Variants in PLEKHA7 observed in about 807,000 individuals in gnomAD.
The protein encoded by PLEKHA7 is pleckstrin homology domain containing A7, also known as pleckstrin homology domain-containing family A member 7.
PLEKHA7 carries 104 observed loss-of-function variants against 170.0 expected under a neutral mutation model. The ratio of observed to expected loss-of-function variants is 0.61; its 90% CI spans 0.52 to 0.72. The LOEUF is 0.72. PLEKHA7 is among the 30% of genes least tolerant of loss of function. The pLI is 0.00. For missense variants in PLEKHA7, 1,615 were observed against 1,671.7 expected (o/e 0.97, Z 0.59); for synonymous variants, 648 against 660.8 (o/e 0.98, Z 0.30).
At chr11:16,976,712 C>T (rs745375803) in intron 3 of PLEKHA7, among the ~76,000 whole-genome samples, 2 of 152,242 alleles carry the variant, frequency 1.3e-5, no homozygotes, top group Non-Finnish European at 2.9e-5. Context: ...ATTGGCACAA[C>T]CAAGCTATGG....
At chr11:16,984,188 C>T (rs529032361) in intron 3 of PLEKHA7, among the ~76,000 whole-genome samples, 269 of 152,178 alleles carry the variant, frequency 1.8e-3, no homozygotes, top group Admixed American at 2.9e-3. Flanking sequence ...GTCTATTCTA[C>T]GTACAACAAC....
chr11:16,828,917 T>C (rs548418682), intron 9 of PLEKHA7, among the ~76,000 whole-genome samples: 24 of 152,288 alleles, frequency 1.6e-4, no homozygotes, highest in East Asian at 1.5e-3. Flanking sequence ...TGGAGAAACA[T>C]AGAATCCTAA....
intron 3 of PLEKHA7, among the ~76,000 whole-genome samples, chr11:16,895,158 A>G (rs1236213648): frequency 6.6e-6 from 1 of 152,178 alleles, no homozygotes; most frequent in African/African-American, 2.4e-5. Context: ...ACTCCAGTAC[A>G]GGGTAAGGGT....
chr11:16,998,096 T>C (rs1864449366), intron 3 of PLEKHA7, among the ~76,000 whole-genome samples: 1 of 152,188 alleles, frequency 6.6e-6, no homozygotes, highest in South Asian at 2.1e-4. Flanking sequence ...ACCTACCTTA[T>C]AAGGTTGGCA....
chr11:16,788,956 G>T, intron 23 of PLEKHA7, 140 bp downstream of exon 23: 1 of 1,082,396 alleles, frequency 9.2e-7, no homozygotes, highest in Non-Finnish European at 1.3e-6. Context: ...TGGACAAACA[G>T]CCCCGTGGGG....
In PLEKHA7 at chr11:16,794,608, G is replaced by A. The variant is rs753849468; in HGVS notation, c.2625C>T (p.Thr875=). ...QPSPPTSPVR[T]PLEVRLFPQL... is the part of the protein sequence containing the mutation. ...GGGGGAAGAGTCGAACCTCCAGAGG[G>A]GTCCGCACAGGGCTGGTGGGAGGAC... Residue 875 remains threonine (T), a synonymous_variant, in exon 19 of 27, where the codon ACC becomes ACT. Coordinates refer to ENST00000531066, the MANE Select transcript of PLEKHA7 (RefSeq NM_001329630.2). 1.9e-6 allele frequency: 3 copies of A among 1,613,568 alleles called. No individual in the cohort carries two copies. The African/African-American group carries it at 4.0e-5, about 22-fold the overall frequency.
At chr11:17,013,749 A>T (rs1257175456) in intron 3 of PLEKHA7, among the ~76,000 whole-genome samples, 1 of 152,154 alleles carries the variant, frequency 6.6e-6, no homozygotes, top group Non-Finnish European at 1.5e-5. Flanking sequence ...TCCAGGGCGC[A>T]GAGTCTGCGG....
rs113965009 is a variant in PLEKHA7 at position 16,791,573 on chromosome 11, C to G, written c.2746-374G>C. 103 of 480,302 alleles carry G rather than the reference C, an allele frequency of 2.1e-4. 1 individual carries two copies. Among genetic ancestry groups the G allele is most frequent in the African/African-American group, 1.5e-3 (79 of 51,164 alleles). 29.8% of individuals were successfully genotyped at this position (480,302 alleles called of 1,614,324 possible). Reference sequence around the variant, plus strand: ...ACCCTGCCCTGACTTCCATGCTTATCACAGCACCACCTACCTGGAGAGTAA... The same window carrying G: ...ACCCTGCCCTGACTTCCATGCTTATGACAGCACCACCTACCTGGAGAGTAA... On this transcript the variant is annotated intron_variant, in intron 19 of 26. Transcript: ENST00000531066. This position sits in a 1 kb window ranked among gnomAD's most constrained non-coding sequence, Gnocchi z 4.5.
chr11:16,858,361 G>A (rs936715038), intron 4 of PLEKHA7, among the ~76,000 whole-genome samples: 1 of 152,100 alleles, frequency 6.6e-6, no homozygotes. Context: ...ACTGCATCAC[G>A]TTCCATCAAC....
rs1478320071 is a variant in PLEKHA7 at position 16,795,038 on chromosome 11, G to C, written c.2410-20C>G. The C allele has an allele frequency of 1.3e-6, 2 of 1,552,494 alleles. No homozygotes were observed. The highest frequency in any genetic ancestry group is 3.3e-5 in the Admixed American group (2 of 59,914). On this transcript the variant is annotated intron_variant, in intron 17 of 26. Transcript: ENST00000531066. ...TTTCTCCTGAGGAAGACGAAGTGGT[G>C]GGTTTGCCTTCTTAGCTCCTTACAA... is the stretch of plus-strand genomic sequence containing the variant.
At position 16,851,250 on chromosome 11, in the gene PLEKHA7, T is replaced by C; in HGVS notation, c.637A>G (p.Ser213Gly). 1 of 1,612,096 alleles carries C rather than the reference T, an allele frequency of 6.2e-7. No homozygotes were observed. Among genetic ancestry groups the C allele is most frequent in the Non-Finnish European group, 8.5e-7 (1 of 1,179,104 alleles). Residue 213 changes from serine (S) to glycine (G), a missense_variant, in exon 8 of 27, where the codon AGC becomes GGC. By Grantham distance (56) the Ser-to-Gly change is moderately conservative. Coordinates refer to ENST00000531066, the MANE Select transcript of PLEKHA7 (RefSeq NM_001329630.2). ...EAVLGSIPLP[S>G]YVISPVAPED... ...GGGGCCACAGGAGAGATCACGTAGC[T>C]GGGCAAGGGGATGCTCCCGAGGACC...
Position 17,014,166 on chromosome 11 carries a change from C to T in PLEKHA7, c.122G>A (p.Arg41His), listed in dbSNP as rs773464996. Residue 41 changes from arginine to histidine, a missense_variant, in exon 2 of 27, where the codon CGC becomes CAC. Coordinates refer to ENST00000531066, the MANE Select transcript of PLEKHA7 (RefSeq NM_001329630.2). ...GCCCGAGTTGACGGGCTCCCCGGTG[C>T]GCGGATGCAGCCAGGTCGTGCAGCG... ...QLRCTTWLHP[R>H]TGEPVNSGHM... 3.7e-6 allele frequency: 6 copies of T among 1,601,684 alleles called. No individual in the cohort carries two copies. The East Asian group carries it at 6.8e-5, about 18-fold the overall frequency.
chr11:16,961,615 C>T (rs1007280870), intron 3 of PLEKHA7, among the ~76,000 whole-genome samples: 7 of 152,212 alleles, frequency 4.6e-5, no homozygotes, highest in Non-Finnish European at 1.0e-4. Context: ...CAGAAGGGGA[C>T]AGAGTTGTTT....
chr11:16,895,738 G>A (rs2135986130), intron 3 of PLEKHA7, among the ~76,000 whole-genome samples: 1 of 152,340 alleles, frequency 6.6e-6, no homozygotes, highest in South Asian at 2.1e-4. Context: ...AAATCCAAGA[G>A]GAGGTGGTGA....
chr11:16,799,577 T>A (rs1371948799), intron 17 of PLEKHA7, among the ~76,000 whole-genome samples: 1 of 151,920 alleles, frequency 6.6e-6, no homozygotes, highest in Non-Finnish European at 1.5e-5. Context: ...CAAAAAAAAA[T>A]TACTGCTAAA....
chr11:17,004,710 G>C (rs916365511), intron 3 of PLEKHA7, among the ~76,000 whole-genome samples: 34 of 152,062 alleles, frequency 2.2e-4, no homozygotes, highest in African/African-American at 8.0e-4. Context: ...CAACTTTAGA[G>C]AAGTCACTTT....
chr11:16,781,971 G>A (rs866225940), intron 26 of PLEKHA7, among the ~76,000 whole-genome samples: 12 of 152,124 alleles, frequency 7.9e-5, no homozygotes, highest in Middle Eastern at 3.2e-3. Context: ...GGTACTGGGT[G>A]AATTGTGAAG....
At chr11:16,988,725 C>G (rs1443518173) in intron 3 of PLEKHA7, among the ~76,000 whole-genome samples, 1 of 152,250 alleles carries the variant, frequency 6.6e-6, no homozygotes, top group Non-Finnish European at 1.5e-5. Context: ...GGATTATGGG[C>G]ATGAGCCACC....
chr11:16,931,761 C>G lies in PLEKHA7; in HGVS notation c.222-60579G>C, dbSNP rs1393413041. On this transcript the variant is annotated intron_variant, in intron 3 of 26. Transcript: ENST00000531066. The stretch of plus-strand genomic sequence containing the variant: ...CAGAGTGAATGAGATTCCATCCCCC[C>G]CCCCCCAAAAAAAAAAAAGGGAAGA... Among the ~76,000 whole-genome samples the G allele has an allele frequency of 2.0e-3, 290 of 146,668 alleles. 1 individual carries two copies. Among genetic ancestry groups the G allele is most frequent in the African/African-American group, 7.2e-3 (274 of 38,084 alleles).
Sources: gnomAD v4.1 joint callset for allele counts (sites outside exome capture counted in the v4.1 genomes callset) on GRCh38, gnomAD v4.1.1 for gene constraint, Gnocchi (gnomAD v3.1) non-coding constraint, MANE v1.5 for transcripts, NCBI Gene and HGNC (gene_info 2026-07-23, HGNC 2026-07-21) for gene names.